ASTN2: variants seen among roughly 807,000 people sequenced by gnomAD.
ASTN2 encodes astrotactin 2, also known as astrotactin-2.
A neutral mutation model predicts 139.8 loss-of-function variants in ASTN2; 54 were observed. The ratio of observed to expected loss-of-function variants is 0.39; its 90% CI spans 0.31 to 0.48. The LOEUF is 0.48. Among genes scored for constraint, ASTN2 ranks in the 20% least tolerant of loss-of-function variants. ASTN2 has a pLI of 0.95. For missense variants in ASTN2, 1,565 were observed against 1,725.1 expected, an observed-to-expected ratio of 0.91 and a Z score of 1.64; for synonymous variants, 756 against 719.5, an observed-to-expected ratio of 1.05 and a Z score of -0.81.
intron 4 of ASTN2, among the ~76,000 whole-genome samples, chr9:117,101,503 C>A (rs1283512433): frequency 6.6e-6 from 1 of 152,042 alleles, no homozygotes; most frequent in Non-Finnish European, 1.5e-5. Context: ...GCTGCTTGGG[C>A]CCTTGGTTCT....
chr9:117,097,513 A>C (rs1443833907), intron 4 of ASTN2, among the ~76,000 whole-genome samples: 2 of 152,154 alleles, frequency 1.3e-5, no homozygotes, highest in Non-Finnish European at 2.9e-5. Flanking sequence ...GGTATTTAAA[A>C]TTGTTTCATT....
intron 13 of ASTN2, among the ~76,000 whole-genome samples, chr9:116,767,707 A>G (rs1310333450): frequency 2.6e-5 from 4 of 152,142 alleles, no homozygotes; most frequent in Non-Finnish European, 5.9e-5. Flanking sequence ...TTGGTGTACT[A>G]TGCTCAGAAC....
At chr9:116,862,809 C>CAAAT (rs1384126619) in intron 11 of ASTN2, among the ~76,000 whole-genome samples, 3 of 53,298 alleles carry the variant, frequency 5.6e-5, no homozygotes, top group Non-Finnish European at 1.3e-4. Context: ...CACACAAATA[C>CAAAT]ACACACACAC....
intron 11 of ASTN2, among the ~76,000 whole-genome samples, chr9:116,842,201 C>T (rs1001727523): frequency 6.6e-6 from 1 of 152,058 alleles, no homozygotes; most frequent in African/African-American, 2.4e-5. Flanking sequence ...GTGGCATAGT[C>T]TTGGATGTAC....
intron 1 of ASTN2, among the ~76,000 whole-genome samples, chr9:117,356,472 T>G (rs1478577145): frequency 6.6e-6 from 1 of 152,132 alleles, no homozygotes; most frequent in Non-Finnish European, 1.5e-5. Context: ...CAGACCAAAT[T>G]CTTTAGATTT....
At chr9:116,567,620 T>C (rs1853301010) in intron 19 of ASTN2, among the ~76,000 whole-genome samples, 1 of 151,858 alleles carries the variant, frequency 6.6e-6, no homozygotes. Context: ...GCATGGAAGA[T>C]GGATTGAAGG....
At chr9:116,682,422 T>C (rs1201741031) in intron 16 of ASTN2, among the ~76,000 whole-genome samples, 2 of 152,336 alleles carry the variant, frequency 1.3e-5, no homozygotes, top group East Asian at 1.9e-4. Flanking sequence ...TTTTACACTG[T>C]TGGTGGGACT....
At chr9:117,380,269 CATG>C (rs1830231126) in intron 1 of ASTN2, among the ~76,000 whole-genome samples, 2 of 152,154 alleles carry the variant, frequency 1.3e-5, no homozygotes, top group South Asian at 4.2e-4. Context: ...ACTCACAAAG[CATG>C]ATAAGTTTTC....
chr9:116,943,469 T>C (rs758810032), intron 10 of ASTN2, among the ~76,000 whole-genome samples: 2 of 152,198 alleles, frequency 1.3e-5, no homozygotes, highest in African/African-American at 4.8e-5. Context: ...AAATTAGATA[T>C]TGGTAATGGT....
intron 16 of ASTN2, chr9:116,700,552 G>A (rs1042138049): frequency 1.2e-5 from 2 of 167,122 alleles, no homozygotes; most frequent in Non-Finnish European, 2.9e-5. Context: ...CTTCTGGCCT[G>A]TGTCTAAGGA....
chr9:116,819,404 C>G (rs1794751594), intron 12 of ASTN2, among the ~76,000 whole-genome samples: 1 of 152,132 alleles, frequency 6.6e-6, no homozygotes, highest in African/African-American at 2.4e-5. Context: ...TTTGCTGATA[C>G]ATATCTAGGG....
chr9:116,826,062 T>G lies in ASTN2; in HGVS notation c.2041-5279A>C, dbSNP rs539291200. Among the ~76,000 whole-genome samples the G allele has an allele frequency of 7.2e-5, 11 of 152,332 alleles. 1 individual carries two copies. In the East Asian group the frequency reaches 2.1e-3, roughly 29 times the overall value. On this transcript the variant is annotated intron_variant, in intron 11 of 22. Coordinates refer to ENST00000313400, the MANE Select transcript of ASTN2 (RefSeq NM_001365068.1). ...CAGCTTCTTGCTCACCTTTCTTGCC[T>G]GAGATGGACTCTGCCTTCTCTGGTA... is the stretch of plus-strand genomic sequence containing the variant.
At chr9:117,048,666 T>C (rs1024401090) in intron 5 of ASTN2, among the ~76,000 whole-genome samples, 2 of 152,224 alleles carry the variant, frequency 1.3e-5, no homozygotes, top group African/African-American at 4.8e-5. Flanking sequence ...ATAGAGATGG[T>C]ACCGTATTAT....
At chr9:116,857,611 A>C (rs373200886) in intron 11 of ASTN2, among the ~76,000 whole-genome samples, 33 of 152,270 alleles carry the variant, frequency 2.2e-4, no homozygotes, top group Middle Eastern at 3.4e-3. Context: ...CTTGGAATTA[A>C]ATCTAGGTTG....
intron 22 of ASTN2, among the ~76,000 whole-genome samples, chr9:116,430,134 G>T (rs1197186128): frequency 2.6e-5 from 4 of 152,230 alleles, no homozygotes; most frequent in Admixed American, 6.5e-5. Flanking sequence ...GATAGTCACA[G>T]AAGTAAGCGA....
intron 13 of ASTN2, among the ~76,000 whole-genome samples, chr9:116,765,730 A>G (rs1360235443): frequency 6.6e-6 from 1 of 152,122 alleles, no homozygotes; most frequent in Non-Finnish European, 1.5e-5. Context: ...TCTAGGGGGT[A>G]TTATTAAGTA....
intron 3 of ASTN2, among the ~76,000 whole-genome samples, chr9:117,152,793 A>G (rs116522109): frequency 2.6e-5 from 4 of 152,266 alleles, no homozygotes; most frequent in African/African-American, 9.6e-5. Context: ...AAGAACTTGA[A>G]GTTCTCAGGT....
In ASTN2 at chr9:117,179,124, G is replaced by A. The variant is rs1830991669; in HGVS notation, c.1015+35234C>T. On this transcript the variant is annotated intron_variant, in intron 3 of 22. Coordinates refer to ENST00000313400, the MANE Select transcript of ASTN2 (RefSeq NM_001365068.1). ...ATGTATTCAGCCAATATGTATTGAA[G>A]GCTTACTATGTGCCAGGAAATATCC... Among the ~76,000 whole-genome samples the A allele has an allele frequency of 1.3e-5, 2 of 152,096 alleles. 1 individual carries two copies. Among genetic ancestry groups the A allele is most frequent in the Admixed American group, 1.3e-4 (2 of 15,274 alleles).
rs1348103313 is a variant in ASTN2 at position 116,948,670 on chromosome 9, A to G, written c.1889+26538T>C. ...AGGGTTGCTGTCCTTGAGCCCTTTCAGTAGATAGAGTTTGACTTATATGTG... is the reference window on the plus strand; with the variant it reads ...AGGGTTGCTGTCCTTGAGCCCTTTCGGTAGATAGAGTTTGACTTATATGTG... On this transcript the variant is annotated intron_variant, in intron 10 of 22. Transcript: ENST00000313400. 2.8e-5 allele frequency among the ~76,000 whole-genome samples: 4 copies of G among 143,252 alleles called. No individual in the cohort carries two copies. The Admixed American group carries it at 2.8e-4, about 10-fold the overall frequency. The allele number at this position is 143,252 out of a possible 152,430, so 94.0% of individuals were successfully genotyped here. A position where few individuals can be genotyped will look rare whatever the true frequency, so the allele number is the denominator to read the frequency against.
Sources: allele counts gnomAD v4.1 joint callset (sites outside exome capture counted in the v4.1 genomes callset), GRCh38; gene constraint gnomAD v4.1.1; transcripts MANE v1.5; gene names NCBI Gene and HGNC (gene_info 2026-07-23, HGNC 2026-07-21).